Variants in CCDC144A observed in about 807,000 individuals in gnomAD.
CCDC144A encodes the protein coiled-coil domain-containing protein 144A.
A neutral mutation model predicts 143.8 loss-of-function variants in CCDC144A; 41 were observed. That is an observed-to-expected ratio of 0.29 (90% CI 0.22 to 0.37). CCDC144A has a LOEUF of 0.37. Ranked by LOEUF, CCDC144A falls within the 10% of genes least tolerant of loss-of-function variation. The probability of loss-of-function intolerance (pLI) is 1.00; values close to 1 mark genes in which losing one functional copy is unlikely to be tolerated. For missense variants in CCDC144A, 637 were observed against 1,488.8 expected (o/e 0.43, Z 9.41); for synonymous variants, 242 against 517.9 (o/e 0.47, Z 7.23).
chr17:16,693,227 AT>A (rs1471904887), intron 2 of CCDC144A, among the ~76,000 whole-genome samples, 178 bp downstream of exon 2: 2 of 152,008 alleles, frequency 1.3e-5, no homozygotes, highest in African/African-American at 4.8e-5. Context: ...ATTGTAGGTC[AT>A]TTATTTTTTC....
At chr17:16,745,633 A>C in intron 12 of CCDC144A, 1 of 1,573,540 alleles carries the variant, frequency 6.4e-7, no homozygotes, top group Non-Finnish European at 8.6e-7. Flanking sequence ...GCAGTGACTC[A>C]CTCTGCCTCT....
chr17:16,724,746 G>T (rs1179518364), intron 8 of CCDC144A, among the ~76,000 whole-genome samples: 2 of 139,604 alleles, frequency 1.4e-5, no homozygotes, highest in Non-Finnish European at 3.0e-5. Flanking sequence ...GCTGTTATTA[G>T]GTGCACAAAC....
the CCDC144A span, among the ~76,000 whole-genome samples, chr17:16,671,815 A>C: frequency 6.6e-6 from 1 of 152,144 alleles, no homozygotes. Flanking sequence ...CAATTCTGAG[A>C]CAGGCTGAAA....
chr17:16,762,562 T>G, intron 14 of CCDC144A, 29 bp downstream of exon 14: 1 of 1,520,360 alleles, frequency 6.6e-7, no homozygotes. Flanking sequence ...TCATAGAAAA[T>G]AAGTTAAGCT....
At chr17:16,677,547 C>T in the CCDC144A span, among the ~76,000 whole-genome samples, 32 of 152,026 alleles carry the variant, frequency 2.1e-4, no homozygotes, top group Admixed American at 2.1e-3. Flanking sequence ...AAGCAGAGAC[C>T]CCATGAATGG....
intron 2 of CCDC144A, among the ~76,000 whole-genome samples, chr17:16,698,924 T>C (rs975434533): frequency 1.3e-5 from 2 of 152,218 alleles, no homozygotes; most frequent in African/African-American, 4.8e-5. Context: ...TCTCAGTACT[T>C]GGGGTTTTGG....
intron 12 of CCDC144A, among the ~76,000 whole-genome samples, chr17:16,755,768 C>T (rs893331012): frequency 6.6e-6 from 1 of 152,162 alleles, no homozygotes; most frequent in East Asian, 1.9e-4. Flanking sequence ...GCCAAATTGC[C>T]CAGGCTGGTC....
rs1911001697 is a variant in CCDC144A, at chr17:16,690,622, C to T, written c.222C>T (p.His74=). ...AGGGCGCCTTAGACCAGCCCCAGCACGACGTCCGCCTGGAAGATCTTGGCG... is the reference window on the plus strand; with the variant it reads ...AGGGCGCCTTAGACCAGCCCCAGCATGACGTCCGCCTGGAAGATCTTGGCG... ...HGEGALDQPQ[H]DVRLEDLGEL... The change falls in exon 1 of 17, where the codon CAC becomes CAT. Residue 74 remains histidine (H), a synonymous_variant. Coordinates refer to ENST00000399273, the MANE Select transcript of CCDC144A (RefSeq NM_001382000.1). 1 of 1,613,748 alleles carries T rather than the reference C, an allele frequency of 6.2e-7. No individual in the cohort carries two copies. The highest frequency in any genetic ancestry group is 8.5e-7 in the Non-Finnish European group (1 of 1,179,868).
Position 16,761,416 on chromosome 17 carries a change from C to T in CCDC144A, c.3373-9C>T, listed in dbSNP as rs1332323923. On this transcript the variant is annotated splice_polypyrimidine_tract_variant and intron_variant, in intron 12 of 16. Transcript: ENST00000399273. Reference sequence around the variant, plus strand: ...TTCATTACAAAACTATATTGTTTTACTCATGCAGATTGACCTTACAGAAGC... The same window carrying T: ...TTCATTACAAAACTATATTGTTTTATTCATGCAGATTGACCTTACAGAAGC... 6.3e-7 allele frequency: 1 copy of T among 1,588,600 alleles called. No homozygotes were observed. Among genetic ancestry groups the T allele is most frequent in the Non-Finnish European group, 8.6e-7 (1 of 1,168,380 alleles).
the CCDC144A span, among the ~76,000 whole-genome samples, chr17:16,679,647 A>AT: frequency 6.6e-6 from 1 of 151,982 alleles, no homozygotes; most frequent in Non-Finnish European, 1.5e-5. Context: ...CCAAAAGTTC[A>AT]TTTTTTATGC....
At chr17:16,693,237 TCAAA>T (rs1256733931) in intron 2 of CCDC144A, among the ~76,000 whole-genome samples, 188 bp downstream of exon 2, 5 of 152,116 alleles carry the variant, frequency 3.3e-5, no homozygotes, top group Admixed American at 3.3e-4. Flanking sequence ...ATTTATTTTT[TCAAA>T]CAATCTGGTC....
the CCDC144A span, among the ~76,000 whole-genome samples, chr17:16,679,657 C>G: frequency 6.6e-6 from 1 of 151,970 alleles, no homozygotes; most frequent in East Asian, 1.9e-4. Context: ...ATTTTTTATG[C>G]TGTTTGTTCT....
At chr17:16,767,726 CA>C (rs549776752) in intron 15 of CCDC144A, among the ~76,000 whole-genome samples, 129 of 152,302 alleles carry the variant, frequency 8.5e-4, no homozygotes, top group African/African-American at 2.9e-3. Flanking sequence ...TCTCTAACCT[CA>C]AGAAAAATGG....
intron 16 of CCDC144A, among the ~76,000 whole-genome samples, chr17:16,773,076 T>G (rs878966379): frequency 2.6e-5 from 4 of 152,136 alleles, no homozygotes; most frequent in Non-Finnish European, 5.9e-5. Flanking sequence ...TCATACATAC[T>G]TTTCATTCTT....
In CCDC144A at chr17:16,764,189, T is replaced by C. The variant is rs1419879247; in HGVS notation, c.4098+14T>C. On this transcript the variant is annotated intron_variant, in intron 15 of 16. Coordinates refer to ENST00000399273, the MANE Select transcript of CCDC144A (RefSeq NM_001382000.1). ...TACTTGTTGAAGGTTAGCTATCTTT[T>C]TTCCTTCGGCGTTCAGATTTCTGAT... 3.1e-6 allele frequency: 5 copies of C among 1,594,544 alleles called. No homozygotes were observed. The African/African-American group carries it at 5.4e-5, about 17-fold the overall frequency.
chr17:16,746,759 A>G (rs1914543508), intron 12 of CCDC144A: 1 of 1,606,274 alleles, frequency 6.2e-7, no homozygotes, highest in Non-Finnish European at 8.5e-7. Context: ...GCAGATGACC[A>G]CCTGCGGGGA....
chr17:16,709,192 C>G lies in CCDC144A; in HGVS notation c.1135C>G (p.Pro379Ala). Residue 379 changes from proline to alanine, a missense_variant, in exon 5 of 17, where the codon CCA becomes GCA. By Grantham distance (27) the Pro-to-Ala change is conservative (BLOSUM62 -1). Coordinates refer to ENST00000399273, the MANE Select transcript of CCDC144A (RefSeq NM_001382000.1). ...LKNIIHPYYH[P>A]YSGSQEHVCQ... Reference sequence around the variant, plus strand: ...AAATATCATCCATCCATACTATCATCCATACTCTGGGTCCCAGGAACATGT... The same window carrying G: ...AAATATCATCCATCCATACTATCATGCATACTCTGGGTCCCAGGAACATGT... The G allele has an allele frequency of 6.2e-7, 1 of 1,611,720 alleles. No homozygotes were observed. Among genetic ancestry groups the G allele is most frequent in the Non-Finnish European group, 8.5e-7 (1 of 1,179,672 alleles).
intron 11 of CCDC144A, among the ~76,000 whole-genome samples, chr17:16,733,751 T>G (rs565726141): frequency 1.1e-3 from 174 of 152,050 alleles, no homozygotes; most frequent in African/African-American, 3.7e-3. Context: ...AGAAGTAAAG[T>G]AAGGGGACCT....
At chr17:16,723,641 T>C (rs1291722697) in intron 8 of CCDC144A, among the ~76,000 whole-genome samples, 2 of 152,142 alleles carry the variant, frequency 1.3e-5, no homozygotes, top group Non-Finnish European at 2.9e-5. Context: ...AGATCTCTTT[T>C]TTCCCCCTGT....
Sources: gnomAD v4.1 joint callset for allele counts (sites outside exome capture counted in the v4.1 genomes callset) on GRCh38, gnomAD v4.1.1 for gene constraint, MANE v1.5 for transcripts, NCBI Gene and HGNC (gene_info 2026-07-23, HGNC 2026-07-21) for gene names.